Variants in ADAMTS19 observed in about 807,000 individuals in gnomAD.
ADAMTS19 encodes the protein ADAM metallopeptidase with thrombospondin type 1 motif 19, also known as A disintegrin and metalloproteinase with thrombospondin motifs 19.
ADAMTS19 carries 93 observed loss-of-function variants against 153.3 expected under a neutral mutation model. The observed-to-expected ratio is 0.61, with a 90% CI of 0.51 to 0.72. ADAMTS19 has a LOEUF of 0.72. Among genes scored for constraint, ADAMTS19 ranks in the 30% least tolerant of loss-of-function variants. The pLI, the probability that ADAMTS19 is intolerant of heterozygous loss-of-function variation, is 0.00. For missense variants in ADAMTS19, 1,482 were observed against 1,552.1 expected, an observed-to-expected ratio of 0.95 and a Z score of 0.76; for synonymous variants, 600 against 556.6, an observed-to-expected ratio of 1.08 and a Z score of -1.10.
intron 10 of ADAMTS19, among the ~76,000 whole-genome samples, chr5:129,631,436 G>A (rs1256706934): frequency 2.0e-5 from 3 of 151,696 alleles, no homozygotes; most frequent in African/African-American, 7.3e-5. Context: ...GCTAAAGTGG[G>A]GAATTTAAAT....
chr5:129,681,666 G>C (rs1015127515), intron 17 of ADAMTS19, among the ~76,000 whole-genome samples: 4 of 152,074 alleles, frequency 2.6e-5, no homozygotes, highest in Non-Finnish European at 4.4e-5. Flanking sequence ...CGCTGACACA[G>C]AGGTCCAAAG....
intron 14 of ADAMTS19, among the ~76,000 whole-genome samples, chr5:129,654,868 A>G (rs1043526258): frequency 7.9e-5 from 12 of 152,164 alleles, no homozygotes; most frequent in Non-Finnish European, 1.3e-4. Flanking sequence ...CTTGAATCAG[A>G]TGATTTTTAA....
chr5:129,461,321 G>T lies in ADAMTS19; in HGVS notation c.311G>T (p.Arg104Leu). Reference sequence around the variant, plus strand: ...CCTTTGGAGGAGCCCGTGGAGGGCCGATCAGAGTCCCGGCTCCGGCCCCCG... The same window carrying T: ...CCTTTGGAGGAGCCCGTGGAGGGCCTATCAGAGTCCCGGCTCCGGCCCCCG... ...PVPLEEPVEG[R>L]SESRLRPPPP... Residue 104 changes from arginine (R) to leucine (L), a missense_variant, in exon 2 of 23, where the codon CGA becomes CTA. Physicochemically the swap from Arg to Leu is moderately radical, Grantham distance 102 (BLOSUM62 -2). This residue lies in a region of ADAMTS19 where 866 missense variants were observed against 827.7 expected (regional missense o/e 1.05). Transcript: ENST00000274487. The surrounding 1 kb of genome is among the most constrained non-coding windows in gnomAD (Gnocchi z 4.6). 1.5e-6 allele frequency: 2 copies of T among 1,327,922 alleles called. No individual in the cohort carries two copies. The highest frequency in any genetic ancestry group is 3.1e-5 in the East Asian group (1 of 32,164). The allele number at this position is 1,327,922 out of a possible 1,614,324, so 82.3% of individuals were successfully genotyped here. A position where few individuals can be genotyped will look rare whatever the true frequency, so the allele number is the denominator to read the frequency against.
At chr5:129,732,646 A>T (rs1757488070) in intron 21 of ADAMTS19, among the ~76,000 whole-genome samples, 1 of 152,096 alleles carries the variant, frequency 6.6e-6, no homozygotes, top group South Asian at 2.1e-4. Context: ...GCTGCAAAAC[A>T]CTGATGAAAG....
rs934691238 is a variant in ADAMTS19 at position 129,738,359 on chromosome 5, T to A, written c.*1141T>A. On this transcript the variant is annotated 3_prime_UTR_variant, in exon 23 of 23. Coordinates refer to ENST00000274487, the MANE Select transcript of ADAMTS19 (RefSeq NM_133638.6). Reference sequence around the variant, plus strand: ...ACTGAGAGACAATTCTTCATAGACTTGTCACATATCCACATGTCTGATGAA... The same window carrying A: ...ACTGAGAGACAATTCTTCATAGACTAGTCACATATCCACATGTCTGATGAA... 2.0e-5 allele frequency: 3 copies of A among 152,162 alleles called. No individual in the cohort carries two copies. Among genetic ancestry groups the A allele is most frequent in the Admixed American group, 2.0e-4 (3 of 15,258 alleles). The allele number at this position is 152,162 out of a possible 1,614,324, so 9.4% of individuals were successfully genotyped here. A position where few individuals can be genotyped will look rare whatever the true frequency, so the allele number is the denominator to read the frequency against.
At chr5:129,600,893 G>T (rs1017193222) in intron 8 of ADAMTS19, among the ~76,000 whole-genome samples, 1 of 149,058 alleles carries the variant, frequency 6.7e-6, no homozygotes, top group African/African-American at 2.5e-5. Context: ...TTATTGAGAC[G>T]GGGTCTCCCT....
intron 10 of ADAMTS19, among the ~76,000 whole-genome samples, chr5:129,633,982 C>T (rs1312445137): frequency 6.6e-6 from 1 of 151,838 alleles, no homozygotes; most frequent in Non-Finnish European, 1.5e-5. Flanking sequence ...CAGGACACTC[C>T]CTTCAGTTTA....
At chr5:129,572,668 C>G (rs537652847) in intron 7 of ADAMTS19, among the ~76,000 whole-genome samples, 26 of 151,932 alleles carry the variant, frequency 1.7e-4, no homozygotes, top group Non-Finnish European at 3.2e-4. Flanking sequence ...AAGATAGTCT[C>G]AAAGGTTACT....
intron 3 of ADAMTS19, among the ~76,000 whole-genome samples, chr5:129,510,581 A>T (rs1316604369): frequency 6.6e-6 from 1 of 151,298 alleles, no homozygotes; most frequent in Non-Finnish European, 1.5e-5. Flanking sequence ...AAGCTTCTGT[A>T]TTGGGAAATG....
chr5:129,540,616 G>A (rs1032036143), intron 6 of ADAMTS19, among the ~76,000 whole-genome samples: 1 of 152,008 alleles, frequency 6.6e-6, no homozygotes, highest in African/African-American at 2.4e-5. Flanking sequence ...GCAAGTAAGA[G>A]AAAATTTAAT....
intron 16 of ADAMTS19, among the ~76,000 whole-genome samples, chr5:129,665,903 TTTCATAA>T (rs1754032983): frequency 6.8e-6 from 1 of 146,054 alleles, no homozygotes; most frequent in African/African-American, 2.5e-5. Flanking sequence ...TATATATATA[TTTCATAA>T]ATATATTTAT....
chr5:129,604,485 A>G (rs1750801196), intron 8 of ADAMTS19, among the ~76,000 whole-genome samples: 1 of 152,186 alleles, frequency 6.6e-6, no homozygotes, highest in East Asian at 1.9e-4. Flanking sequence ...TATATGCTTC[A>G]TTAGGCTGTA....
chr5:129,654,354 T>C lies in ADAMTS19; in HGVS notation c.2225T>C (p.Ile742Thr), dbSNP rs771561550. 2 of 1,613,318 alleles carry C rather than the reference T, an allele frequency of 1.2e-6. No individual in the cohort carries two copies. The highest frequency in any genetic ancestry group is 3.3e-5 in the Admixed American group (2 of 59,944). The change falls in exon 14 of 23, where the codon ATT (isoleucine) becomes ACT (threonine). Residue 742 changes from isoleucine to threonine, a missense_variant. Ile to Thr is a moderately conservative substitution (Grantham distance 89, BLOSUM62 -1). Coordinates refer to ENST00000274487, the MANE Select transcript of ADAMTS19 (RefSeq NM_133638.6). ...FCSPVGKEQP[I>T]LLSEKVMDGT... Reference sequence around the variant, plus strand: ...TCTCCTGTTGGAAAAGAACAGCCTATTCTTCTATCAGAAAAAGTGATGGAT... The same window carrying C: ...TCTCCTGTTGGAAAAGAACAGCCTACTCTTCTATCAGAAAAAGTGATGGAT...
chr5:129,628,577 G>T (rs1752157897), intron 10 of ADAMTS19, among the ~76,000 whole-genome samples: 3 of 152,064 alleles, frequency 2.0e-5, no homozygotes, highest in Admixed American at 2.0e-4. Flanking sequence ...ATATGGGAAT[G>T]CCTGAATATA....
chr5:129,665,707 T>C (rs1463878781), intron 16 of ADAMTS19, 128 bp downstream of exon 16: 6 of 684,246 alleles, frequency 8.8e-6, no homozygotes, highest in Non-Finnish European at 1.3e-5. Context: ...AACTATCTTT[T>C]GTCATATCAA....
At chr5:129,659,561 A>G (rs999538262) in intron 15 of ADAMTS19, among the ~76,000 whole-genome samples, 9 of 152,070 alleles carry the variant, frequency 5.9e-5, no homozygotes, top group Non-Finnish European at 5.9e-5. Context: ...ATATGCTTAT[A>G]TCAAATATAC....
chr5:129,493,419 T>G (rs1172870673), intron 2 of ADAMTS19, among the ~76,000 whole-genome samples: 1 of 152,208 alleles, frequency 6.6e-6, no homozygotes, highest in Non-Finnish European at 1.5e-5. Context: ...TATAATCATA[T>G]GTATACCAAA....
At chr5:129,626,927 G>A (rs1217167349) in intron 10 of ADAMTS19, among the ~76,000 whole-genome samples, 1 of 152,102 alleles carries the variant, frequency 6.6e-6, no homozygotes, top group African/African-American at 2.4e-5. Context: ...GGTGACCTGG[G>A]AAAGTTTCCT....
At chr5:129,462,535 A>T (rs926714236) in intron 2 of ADAMTS19, among the ~76,000 whole-genome samples, 1 of 151,804 alleles carries the variant, frequency 6.6e-6, no homozygotes, top group Non-Finnish European at 1.5e-5. Context: ...AATGTAGAAC[A>T]TCATTTGATT....
Sources: gnomAD v4.1 joint callset for allele counts (sites outside exome capture counted in the v4.1 genomes callset) on GRCh38, gnomAD v4.1.1 for gene constraint, gnomAD v4.1.1 regional missense constraint, Gnocchi (gnomAD v3.1) non-coding constraint, MANE v1.5 for transcripts, NCBI Gene and HGNC (gene_info 2026-07-23, HGNC 2026-07-21) for gene names.